The following CFDP1 variants were observed in gnomAD, a reference collection of about 807,000 sequenced individuals.
CFDP1 encodes heterochromatin-stabilizing protein CFDP1.
CFDP1 carries 31 observed loss-of-function variants against 40.1 expected under a neutral mutation model. That is an observed-to-expected ratio of 0.77 (90% CI 0.58 to 1.04). The LOEUF (loss-of-function observed/expected upper bound fraction) is 1.04. Ranked by LOEUF, CFDP1 falls within the 50% of genes least tolerant of loss-of-function variation. The probability of loss-of-function intolerance (pLI) is 0.00; values close to 1 mark genes in which losing one functional copy is unlikely to be tolerated. For missense variants in CFDP1, 423 were observed against 343.4 expected (o/e 1.23, Z -1.83); for synonymous variants, 167 against 120.0 (o/e 1.39, Z -2.56).
chr16:75,428,228 C>T (rs1358571807), intron 1 of CFDP1, among the ~76,000 whole-genome samples: 2 of 151,234 alleles, frequency 1.3e-5, no homozygotes, highest in Non-Finnish European at 2.9e-5. Context: ...GAGAACAGTA[C>T]ATTGAAAACA....
chr16:75,293,829 T>C lies in CFDP1; in HGVS notation c.*123A>G, dbSNP rs1397729664. ...TTAAGATACATAGACAGAACTTCAA[T>C]GTAGAAAAAAAAAAGACCTTGCTGG... is the stretch of plus-strand genomic sequence containing the variant. On this transcript the variant is annotated 3_prime_UTR_variant, in exon 7 of 7. Coordinates refer to ENST00000283882, the MANE Select transcript of CFDP1 (RefSeq NM_006324.3). 1.1e-5 allele frequency: 8 copies of C among 717,954 alleles called. No homozygotes were observed. The highest frequency in any genetic ancestry group is 1.9e-5 in the South Asian group (1 of 53,594). The allele number at this position is 717,954 out of a possible 1,614,324, so 44.5% of individuals were successfully genotyped here.
intron 1 of CFDP1, among the ~76,000 whole-genome samples, chr16:75,423,184 G>C (rs903422985): frequency 7.9e-5 from 12 of 151,236 alleles, no homozygotes; most frequent in African/African-American, 2.9e-4. Context: ...GGGAGGCTGA[G>C]GCAGGAGAAT....
At chr16:75,349,666 A>ATATATATAT (rs1567653444) in intron 5 of CFDP1, among the ~76,000 whole-genome samples, 3 of 13,690 alleles carry the variant, frequency 2.2e-4, no homozygotes, top group Admixed American at 1.4e-3. Context: ...AAAAAAAAAA[A>ATATATATAT]AAAAAAAAAA....
chr16:75,313,198 A>G (rs2078305516), intron 5 of CFDP1, among the ~76,000 whole-genome samples: 2 of 152,204 alleles, frequency 1.3e-5, no homozygotes, highest in South Asian at 2.1e-4. Flanking sequence ...AAGTGTTAGG[A>G]AAGTGCAGAT....
intron 4 of CFDP1, among the ~76,000 whole-genome samples, chr16:75,405,707 G>C (rs529612068): frequency 2.0e-5 from 3 of 147,228 alleles, no homozygotes; most frequent in African/African-American, 7.5e-5. Flanking sequence ...CTGAGATTGT[G>C]TCATTGCACT....
Position 75,414,598 on chromosome 16 carries a change from C to A in CFDP1, c.162G>T (p.Lys54Asn). The change falls in exon 2 of 7, where the codon AAG (lysine) becomes AAT (asparagine). Residue 54 changes from lysine (K) to asparagine (N), a missense_variant. Transcript: ENST00000283882. ...ATCACCTGGCTGGAATGCTCTGGGC[C>A]TTTCTTTTTTTCCCTTGGGTTTTCT... is the stretch of plus-strand genomic sequence containing the variant. The part of the protein sequence containing the change: ...QTQKTQGKKR[K>N]AQSIPARKRR... 2 of 1,613,316 alleles carry A rather than the reference C, an allele frequency of 1.2e-6. No individual in the cohort carries two copies. The highest frequency in any genetic ancestry group is 1.7e-6 in the Non-Finnish European group (2 of 1,179,354).
intron 5 of CFDP1, among the ~76,000 whole-genome samples, chr16:75,377,374 A>G (rs767242486): frequency 1.2e-4 from 19 of 152,222 alleles, no homozygotes; most frequent in Non-Finnish European, 2.6e-4. Context: ...TCATTCTTCT[A>G]CCACTATATT....
chr16:75,354,125 T>G (rs761748802), intron 5 of CFDP1, among the ~76,000 whole-genome samples: 1 of 152,214 alleles, frequency 6.6e-6, no homozygotes, highest in Admixed American at 6.5e-5. Flanking sequence ...AAATAGACTT[T>G]GTGTTACATG....
intron 1 of CFDP1, chr16:75,418,947 C>A: frequency 4.9e-6 from 1 of 203,998 alleles, no homozygotes; most frequent in Non-Finnish European, 1.1e-5. Context: ...CGAGACCAGC[C>A]TGGGCAACAG....
In CFDP1 at chr16:75,381,711, T is replaced by C. The variant is rs1405739012; in HGVS notation, c.650+13379A>G. On this transcript the variant is annotated intron_variant, in intron 5 of 6. Coordinates refer to ENST00000283882, the MANE Select transcript of CFDP1 (RefSeq NM_006324.3). ...TATGGGAGGATTTAGGGAAACTGAG[T>C]TAAATACTGGACCAGTTGTGGAGTC... is the stretch of plus-strand genomic sequence containing the variant. Among the ~76,000 whole-genome samples, 3 of 152,198 alleles carry C rather than the reference T, an allele frequency of 2.0e-5. 1 individual carries two copies. Among genetic ancestry groups the C allele is most frequent in the Non-Finnish European group, 4.4e-5 (3 of 68,008 alleles).
chr16:75,318,594 C>G (rs190270787), intron 5 of CFDP1, among the ~76,000 whole-genome samples: 1 of 151,930 alleles, frequency 6.6e-6, no homozygotes, highest in Admixed American at 6.6e-5. Context: ...TTAGTAGAGA[C>G]TGGGTTTCAC....
chr16:75,296,319 C>A (rs1051300290), intron 6 of CFDP1, among the ~76,000 whole-genome samples: 1 of 152,128 alleles, frequency 6.6e-6, no homozygotes, highest in African/African-American at 2.4e-5. Flanking sequence ...TTCACTGCAG[C>A]CTCGACCTCT....
Position 75,293,816 on chromosome 16 carries a change from G to A in CFDP1, c.*136C>T. 3.1e-6 allele frequency: 2 copies of A among 648,842 alleles called. No individual in the cohort carries two copies. Among genetic ancestry groups the A allele is most frequent in the African/African-American group, 1.8e-5 (1 of 54,452 alleles). 40.2% of individuals were successfully genotyped at this position (648,842 alleles called of 1,614,324 possible). ...AAACCATTTGTGATTAAGATACATA[G>A]ACAGAACTTCAATGTAGAAAAAAAA... is the stretch of plus-strand genomic sequence containing the variant. On this transcript the variant is annotated 3_prime_UTR_variant, in exon 7 of 7. Coordinates refer to ENST00000283882, the MANE Select transcript of CFDP1 (RefSeq NM_006324.3).
At chr16:75,302,634 A>AT (rs1485180094) in intron 6 of CFDP1, among the ~76,000 whole-genome samples, 1 of 152,220 alleles carries the variant, frequency 6.6e-6, no homozygotes, top group Non-Finnish European at 1.5e-5. Flanking sequence ...AGAAGCAATA[A>AT]TGTGTAGCAC....
chr16:75,374,839 T>C (rs1385845011), intron 5 of CFDP1, among the ~76,000 whole-genome samples: 4 of 152,198 alleles, frequency 2.6e-5, no homozygotes, highest in Non-Finnish European at 5.9e-5. Context: ...TTCTTACTAA[T>C]TCTTCAAAAT....
chr16:75,354,449 C>G (rs893717364), intron 5 of CFDP1, among the ~76,000 whole-genome samples: 12 of 152,028 alleles, frequency 7.9e-5, no homozygotes, highest in African/African-American at 2.9e-4. Flanking sequence ...TAACTCCAGC[C>G]TTAAAGTCAT....
At position 75,388,004 on chromosome 16, in the gene CFDP1, A is replaced by T. The variant is rs529815061; in HGVS notation, c.650+7086T>A. 3.9e-5 allele frequency among the ~76,000 whole-genome samples: 6 copies of T among 152,290 alleles called. No individual in the cohort carries two copies. In the East Asian group the frequency reaches 1.2e-3, roughly 29 times the overall value. Reference sequence around the variant, plus strand: ...ACATCAGTTATGAAATTGAGGAGAGACTCTTTTAACAAAAAAACATCTATC... The same window carrying T: ...ACATCAGTTATGAAATTGAGGAGAGTCTCTTTTAACAAAAAAACATCTATC... On this transcript the variant is annotated intron_variant, in intron 5 of 6. Coordinates refer to ENST00000283882, the MANE Select transcript of CFDP1 (RefSeq NM_006324.3).
chr16:75,307,069 T>C (rs1234485061), intron 5 of CFDP1, among the ~76,000 whole-genome samples: 1 of 152,108 alleles, frequency 6.6e-6, no homozygotes. Context: ...TCTTTACTGG[T>C]CTCCCTGACC....
At chr16:75,374,987 A>C (rs2078781154) in intron 5 of CFDP1, among the ~76,000 whole-genome samples, 1 of 151,946 alleles carries the variant, frequency 6.6e-6, no homozygotes, top group African/African-American at 2.4e-5. Flanking sequence ...ATTAACTTTC[A>C]TTTTGTCTTC....
Sources: gnomAD v4.1 joint callset for allele counts (sites outside exome capture counted in the v4.1 genomes callset) on GRCh38, gnomAD v4.1.1 for gene constraint, MANE v1.5 for transcripts, NCBI Gene and HGNC (gene_info 2026-07-23, HGNC 2026-07-21) for gene names.